The following TXNL4A variants were observed in gnomAD, a reference collection of about 807,000 sequenced individuals.
TXNL4A encodes thioredoxin like 4A.
A neutral mutation model predicts 14.6 loss-of-function variants in TXNL4A; 17 were observed. The ratio of observed to expected loss-of-function variants is 1.16; its 90% confidence interval spans 0.80 to 1.74. TXNL4A has a LOEUF of 1.74. Among genes scored for constraint, TXNL4A ranks in the 40% most tolerant of loss-of-function variants. The pLI is 0.00. For missense variants in TXNL4A, 74 were observed against 195.2 expected, an observed-to-expected ratio of 0.38 and a Z score of 3.70; for synonymous variants, 83 against 70.6, an observed-to-expected ratio of 1.18 and a Z score of -0.88.
rs541271665 is a variant in TXNL4A, at chr18:80,000,987, G to C, written c.-60-23286C>G. On this transcript the variant is annotated intron_variant, in intron 1 of 2. Coordinates refer to the TXNL4A transcript ENST00000585474. ...AAGACAATGAGAAAATGTCTCCAGG[G>C]CATGTCAGAGACATTCGTGGCAGCC... is the stretch of plus-strand genomic sequence containing the variant. Among the ~76,000 whole-genome samples, 4 of 152,220 alleles carry C rather than the reference G, an allele frequency of 2.6e-5. No homozygotes were observed. In the South Asian group the frequency reaches 6.2e-4, roughly 24 times the overall value.
chr18:79,976,131 C>T (rs1473504761), intron 2 of TXNL4A, among the ~76,000 whole-genome samples: 2 of 152,210 alleles, frequency 1.3e-5, no homozygotes, highest in Non-Finnish European at 2.9e-5. Flanking sequence ...CACGGCAGTG[C>T]CTCACGCTTT....
intron 1 of TXNL4A, among the ~76,000 whole-genome samples, chr18:80,003,704 GA>G (rs1014176592): frequency 6.6e-6 from 1 of 152,112 alleles, no homozygotes; most frequent in African/African-American, 2.4e-5. Flanking sequence ...ATGCTGCTAT[GA>G]AAAAACACCT....
In TXNL4A at chr18:79,986,651, G is replaced by A. The variant is rs2051553282; in HGVS notation, c.153+1589C>T. The A allele has an allele frequency of 8.1e-6, 8 of 985,348 alleles. No homozygotes were observed. The South Asian group carries it at 3.3e-4, about 40-fold the overall frequency. 61.0% of individuals were successfully genotyped at this position (985,348 alleles called of 1,614,324 possible). On this transcript the variant is annotated intron_variant, in intron 1 of 2. Coordinates refer to ENST00000269601, the MANE Select transcript of TXNL4A (RefSeq NM_006701.5). ...AGCTAAGAGCATCTTGCTGAGCTGTGCTCGGATGTGATGAGACAAAGGCCC... is the reference window on the plus strand; with the variant it reads ...AGCTAAGAGCATCTTGCTGAGCTGTACTCGGATGTGATGAGACAAAGGCCC...
intron 1 of TXNL4A, among the ~76,000 whole-genome samples, chr18:80,024,705 A>C (rs1029333274): frequency 2.0e-5 from 3 of 152,154 alleles, no homozygotes; most frequent in African/African-American, 7.2e-5. Flanking sequence ...TTTCAGAAGA[A>C]CATATTTAGG....
chr18:80,020,122 G>A (rs988915085), intron 1 of TXNL4A, among the ~76,000 whole-genome samples: 3 of 152,142 alleles, frequency 2.0e-5, no homozygotes, highest in Non-Finnish European at 4.4e-5. Flanking sequence ...CTTTAAAAAC[G>A]GGAGTTTGCC....
At chr18:80,028,552 G>A (rs751873954) in intron 1 of TXNL4A, among the ~76,000 whole-genome samples, 2 of 151,646 alleles carry the variant, frequency 1.3e-5, no homozygotes, top group Admixed American at 6.6e-5. Context: ...ACTGGATCAT[G>A]CTAAAATAGA....
chr18:79,986,996 CTCCTCAAG>C (rs902592897), intron 1 of TXNL4A, among the ~76,000 whole-genome samples: 2 of 152,224 alleles, frequency 1.3e-5, no homozygotes, highest in Non-Finnish European at 2.9e-5. Context: ...CCCTAGGTCC[CTCCTCAAG>C]TCCTCAGTGT....
chr18:80,027,780 C>G (rs879079562), intron 1 of TXNL4A, among the ~76,000 whole-genome samples: 33 of 152,186 alleles, frequency 2.2e-4, no homozygotes, highest in South Asian at 4.2e-4. Flanking sequence ...AAACTTCAGC[C>G]ATGCTTGCTG....
upstream of TXNL4A, among the ~76,000 whole-genome samples, chr18:79,989,870 C>T (rs111703783): frequency 5.9e-5 from 9 of 152,326 alleles, no homozygotes; most frequent in African/African-American, 2.2e-4. Context: ...GTGGCGCCCG[C>T]CTATAATCCC....
intron 1 of TXNL4A, among the ~76,000 whole-genome samples, chr18:80,010,760 C>T (rs991798515): frequency 6.6e-6 from 1 of 152,210 alleles, no homozygotes; most frequent in African/African-American, 2.4e-5. Flanking sequence ...ACGCCACGTG[C>T]TAGTTCCCTT....
intron 1 of TXNL4A, among the ~76,000 whole-genome samples, chr18:80,004,744 C>G (rs939860193): frequency 1.3e-5 from 2 of 152,172 alleles, no homozygotes; most frequent in Non-Finnish European, 2.9e-5. Flanking sequence ...CCAGAGAAAA[C>G]AAGCCTTGAG....
chr18:79,973,911 T>A, intron 2 of TXNL4A, 55 bp from the exon 3 acceptor site: 2 of 1,589,142 alleles, frequency 1.3e-6, no homozygotes, highest in Admixed American at 3.6e-5. Flanking sequence ...AAAAAAGAAT[T>A]CCTTGAAAAC....
chr18:80,010,910 C>G (rs536502081), intron 1 of TXNL4A, among the ~76,000 whole-genome samples: 2 of 151,960 alleles, frequency 1.3e-5, no homozygotes, highest in East Asian at 1.9e-4. Context: ...TCCTTTCAGT[C>G]CCCCCGTGGA....
At chr18:80,024,656 G>A (rs1198407766) in intron 1 of TXNL4A, among the ~76,000 whole-genome samples, 4 of 152,136 alleles carry the variant, frequency 2.6e-5, no homozygotes, top group East Asian at 1.9e-4. Context: ...TGGGAGAAAC[G>A]CTCCCTAAGA....
intron 1 of TXNL4A, among the ~76,000 whole-genome samples, chr18:79,997,949 T>G (rs1652663): frequency 0.76 from 115,545 of 152,090 alleles, 45,203 homozygotes; most frequent in East Asian, 0.92. Flanking sequence ...CAATGCCTGT[T>G]ACTAATAAAC....
intron 2 of TXNL4A, among the ~76,000 whole-genome samples, chr18:79,975,794 GAT>G (rs532550418): frequency 5.3e-5 from 8 of 152,112 alleles, no homozygotes; most frequent in Non-Finnish European, 1.0e-4. Context: ...ACACACTCGG[GAT>G]ATTTAGCTGC....
In TXNL4A at chr18:79,996,556, T is replaced by G. The variant is rs538219440; in HGVS notation, c.-60-18855A>C. Among the ~76,000 whole-genome samples the G allele has an allele frequency of 3.3e-3, 500 of 152,334 alleles. 2 individuals are homozygous for G. Among genetic ancestry groups the G allele is most frequent in the Middle Eastern group, 6.8e-3 (2 of 294 alleles). On this transcript the variant is annotated intron_variant, in intron 1 of 2. Coordinates refer to the TXNL4A transcript ENST00000585474. ...GCCCCGTCAATCTTTTGGGCTGTGA[T>G]CTCGTCAACATCCATAATGCTCATA...
intron 1 of TXNL4A, among the ~76,000 whole-genome samples, chr18:80,023,201 G>C (rs933890552): frequency 2.0e-4 from 31 of 152,168 alleles, no homozygotes; most frequent in African/African-American, 7.0e-4. Context: ...CCCTTCCTTT[G>C]ATGGGGACAG....
rs2051331501 is a variant in TXNL4A at position 79,973,510 on chromosome 18, TG to T, written c.*174del. The T allele has an allele frequency of 2.9e-6, 2 of 682,188 alleles. No individual in the cohort carries two copies. The highest frequency in any genetic ancestry group is 6.0e-5 in the East Asian group (2 of 33,130). 42.3% of individuals were successfully genotyped at this position (682,188 alleles called of 1,614,324 possible). ...TTTCCTGAGAACAAACAAGTAGGCC[TG>T]CTCCTCTCACCACGTGCTTGTTTAT... is the stretch of plus-strand genomic sequence containing the variant. On this transcript the variant is annotated 3_prime_UTR_variant, in exon 3 of 3. Transcript: ENST00000269601.
Sources: gnomAD v4.1 joint callset for allele counts (sites outside exome capture counted in the v4.1 genomes callset) on GRCh38, gnomAD v4.1.1 for gene constraint, MANE v1.5 for transcripts, NCBI Gene and HGNC (gene_info 2026-07-23, HGNC 2026-07-21) for gene names.